The following SOD3 variants were observed in gnomAD, a reference collection of about 807,000 sequenced individuals.
The protein encoded by SOD3 is extracellular superoxide dismutase [Cu-Zn].
In SOD3, 3 loss-of-function variants were observed where a neutral mutation model predicts 2.6. The ratio of observed to expected loss-of-function variants is 1.13; its 90% CI spans 0.52 to 2.93. The LOEUF (loss-of-function observed/expected upper bound fraction) is 2.93. SOD3 is among the 30% of genes most tolerant of loss of function. SOD3 has a pLI of 0.04. For missense variants in SOD3, 379 were observed against 370.4 expected, an observed-to-expected ratio of 1.02 and a Z score of -0.19; for synonymous variants, 188 against 177.5, an observed-to-expected ratio of 1.06 and a Z score of -0.47.
In SOD3 at chr4:24,800,144, G is replaced by A; in HGVS notation, c.623G>A (p.Cys208Tyr). The A allele has an allele frequency of 7.2e-7, 1 of 1,386,304 alleles. No individual in the cohort carries two copies. Among genetic ancestry groups the A allele is most frequent in the East Asian group, 3.1e-5 (1 of 32,558 alleles). 85.9% of individuals were successfully genotyped at this position (1,386,304 alleles called of 1,614,324 possible). Reference protein sequence around the residue: ...NGNAGRRLACCVVGVCGPGLW... With the variant: ...NGNAGRRLACYVVGVCGPGLW... ...AACGCGGGCCGGCGGCTGGCCTGCT[G>A]CGTGGTGGGCGTGTGCGGGCCCGGG... The change falls in exon 2 of 2, where the codon TGC (cysteine) becomes TAC (tyrosine). Residue 208 changes from cysteine (C) to tyrosine (Y), a missense_variant. Cys to Tyr is a radical substitution (Grantham distance 194). Transcript: ENST00000382120.
chr4:24,799,631 A>T lies in SOD3; in HGVS notation c.110A>T (p.Asp37Val). The change falls in exon 2 of 2, where the codon GAC becomes GTC. Residue 37 changes from aspartate to valine, a missense_variant. Transcript: ENST00000382120. ...TCTGACTCGGCGGAGTGGATCCGAGACATGTACGCCAAGGTCACGGAGATC... is the reference window on the plus strand; with the variant it reads ...TCTGACTCGGCGGAGTGGATCCGAGTCATGTACGCCAAGGTCACGGAGATC... ...PNSDSAEWIR[D>V]MYAKVTEIWQ... 1 of 1,605,356 alleles carries T rather than the reference A, an allele frequency of 6.2e-7. No homozygotes were observed. The highest frequency in any genetic ancestry group is 8.5e-7 in the Non-Finnish European group (1 of 1,178,502).
intron 1 of SOD3, among the ~76,000 whole-genome samples, chr4:24,799,084 G>A (rs1713753165): frequency 6.6e-6 from 1 of 152,206 alleles, no homozygotes; most frequent in Admixed American, 6.5e-5. Flanking sequence ...CAAAGCCCCA[G>A]AAGGCAGGGA....
Position 24,800,345 on chromosome 4 carries a change from C to A in SOD3, c.*101C>A. The stretch of plus-strand genomic sequence containing the variant: ...AGACACCCTCCACTCTGAGGTCTCA[C>A]CTTCGCCTTTGCTGAAGTCTCCCCG... On this transcript the variant is annotated 3_prime_UTR_variant, in exon 2 of 2. Transcript: ENST00000382120. 1 of 1,205,198 alleles carries A rather than the reference C, an allele frequency of 8.3e-7. No homozygotes were observed. Among genetic ancestry groups the A allele is most frequent in the Non-Finnish European group, 1.1e-6 (1 of 932,796 alleles). The allele number at this position is 1,205,198 out of a possible 1,614,324, so 74.7% of individuals were successfully genotyped here.
At position 24,800,193 on chromosome 4, in the gene SOD3, G is replaced by A; in HGVS notation, c.672G>A (p.Glu224=). The A allele has an allele frequency of 2.1e-6, 3 of 1,431,636 alleles. No homozygotes were observed. The highest frequency in any genetic ancestry group is 2.7e-6 in the Non-Finnish European group (3 of 1,099,476). 88.7% of individuals were successfully genotyped at this position (1,431,636 alleles called of 1,614,324 possible). Residue 224 remains glutamate, a synonymous_variant, in exon 2 of 2, where the codon GAG becomes GAA. Transcript: ENST00000382120. ...GGCTCTGGGAGCGCCAGGCGCGGGA[G>A]CACTCAGAGCGCAAGAAGCGGCGGC... ...GPGLWERQAR[E]HSERKKRRRE...
Position 24,800,276 on chromosome 4 carries a change from C to A in SOD3, c.*32C>A. ...CCCCCACCCGGCGGCGGCCAGGGACCCCCGAGGCCCCCCTCTGCCTTTGAG... is the reference window on the plus strand; with the variant it reads ...CCCCCACCCGGCGGCGGCCAGGGACACCCGAGGCCCCCCTCTGCCTTTGAG... On this transcript the variant is annotated 3_prime_UTR_variant, in exon 2 of 2. Transcript: ENST00000382120. 7.3e-7 allele frequency: 1 copy of A among 1,374,140 alleles called. No homozygotes were observed. The highest frequency in any genetic ancestry group is 1.8e-5 in the South Asian group (1 of 56,386). The allele number at this position is 1,374,140 out of a possible 1,614,324, so 85.1% of individuals were successfully genotyped here. A position where few individuals can be genotyped will look rare whatever the true frequency, so the allele number is the denominator to read the frequency against.
chr4:24,799,761 C>G lies in SOD3; in HGVS notation c.240C>G (p.Gly80=), dbSNP rs761593971. 1.3e-6 allele frequency: 2 copies of G among 1,566,608 alleles called. No individual in the cohort carries two copies. Among genetic ancestry groups the G allele is most frequent in the East Asian group, 2.3e-5 (1 of 42,606 alleles). The change falls in exon 2 of 2, where the codon GGC becomes GGG. Residue 80 remains glycine, a synonymous_variant. Transcript: ENST00000382120. ...TLDAAQPRVT[G]VVLFRQLAPR... is the part of the protein sequence containing the mutation. ...ACGCCGCGCAGCCCCGGGTGACCGGCGTCGTCCTCTTCCGGCAGCTTGCGC... is the reference window on the plus strand; with the variant it reads ...ACGCCGCGCAGCCCCGGGTGACCGGGGTCGTCCTCTTCCGGCAGCTTGCGC...
chr4:24,796,432 TCTC>T (rs1228754173), intron 1 of SOD3, among the ~76,000 whole-genome samples: 2 of 98,384 alleles, frequency 2.0e-5, no homozygotes, highest in Non-Finnish European at 4.4e-5. Flanking sequence ...TCCTCCTTCT[TCTC>T]TTTTTTTTTT....
intron 1 of SOD3, among the ~76,000 whole-genome samples, chr4:24,797,356 G>A (rs943504204): frequency 6.6e-6 from 1 of 152,210 alleles, no homozygotes; most frequent in Admixed American, 6.5e-5. Flanking sequence ...CGGGACACAC[G>A]CCTCTCTGTG....
At chr4:24,797,191 A>C (rs1245193230) in intron 1 of SOD3, among the ~76,000 whole-genome samples, 1 of 152,236 alleles carries the variant, frequency 6.6e-6, no homozygotes, top group Admixed American at 6.5e-5. Flanking sequence ...CTGATAGCTA[A>C]GAGCTGCCAT....
chr4:24,799,765 G>A lies in SOD3; in HGVS notation c.244G>A (p.Val82Ile). 6.4e-7 allele frequency: 1 copy of A among 1,569,552 alleles called. No individual in the cohort carries two copies. Among genetic ancestry groups the A allele is most frequent in the Non-Finnish European group, 8.6e-7 (1 of 1,164,286 alleles). ...CGCGCAGCCCCGGGTGACCGGCGTC[G>A]TCCTCTTCCGGCAGCTTGCGCCCCG... is the stretch of plus-strand genomic sequence containing the variant. The part of the protein sequence containing the change: ...DAAQPRVTGV[V>I]LFRQLAPRAK... Residue 82 changes from valine to isoleucine, a missense_variant, in exon 2 of 2, where the codon GTC becomes ATC. By Grantham distance (29) the Val-to-Ile change is conservative (BLOSUM62 3). Coordinates refer to ENST00000382120, the MANE Select transcript of SOD3 (RefSeq NM_003102.4).
Position 24,800,299 on chromosome 4 carries a change from G to C in SOD3, c.*55G>C, listed in dbSNP as rs1577363816. 12 of 1,355,016 alleles carry C rather than the reference G, an allele frequency of 8.9e-6. No individual in the cohort carries two copies. The highest frequency in any genetic ancestry group is 1.0e-5 in the Non-Finnish European group (11 of 1,052,732). 83.9% of individuals were successfully genotyped at this position (1,355,016 alleles called of 1,614,324 possible). ...ACCCCCGAGGCCCCCCTCTGCCTTT[G>C]AGCTTCTCCTCTGCTCCAACAGACA... is the stretch of plus-strand genomic sequence containing the variant. On this transcript the variant is annotated 3_prime_UTR_variant, in exon 2 of 2. Coordinates refer to ENST00000382120, the MANE Select transcript of SOD3 (RefSeq NM_003102.4).
intron 1 of SOD3, among the ~76,000 whole-genome samples, chr4:24,798,754 G>C (rs1713744930): frequency 6.6e-6 from 1 of 152,096 alleles, no homozygotes. Flanking sequence ...CCATCTTGTG[G>C]AACCCAGTTC....
rs17879876 is a variant in SOD3 at position 24,799,792 on chromosome 4, G to A, written c.271G>A (p.Ala91Thr). The A allele has an allele frequency of 5.6e-4, 895 of 1,587,406 alleles. 1 individual carries two copies. In the African/African-American group the frequency reaches 7.9e-3, roughly 14 times the overall value. ...CCTCTTCCGGCAGCTTGCGCCCCGC[G>A]CCAAGCTCGACGCCTTCTTCGCCCT... ...VVLFRQLAPR[A>T]KLDAFFALEG... is the part of the protein sequence containing the mutation. The change falls in exon 2 of 2, where the codon GCC (alanine) becomes ACC (threonine). Residue 91 changes from alanine to threonine, a missense_variant. By Grantham distance (58) the Ala-to-Thr change is moderately conservative. Coordinates refer to ENST00000382120, the MANE Select transcript of SOD3 (RefSeq NM_003102.4).
In SOD3 at chr4:24,798,515, C is replaced by T. The variant is rs1051746878; in HGVS notation, c.-16-991C>T. Among the ~76,000 whole-genome samples, 3 of 152,122 alleles carry T rather than the reference C, an allele frequency of 2.0e-5. No homozygotes were observed. The East Asian group carries it at 5.8e-4, about 30-fold the overall frequency. On this transcript the variant is annotated intron_variant, in intron 1 of 1. Coordinates refer to ENST00000382120, the MANE Select transcript of SOD3 (RefSeq NM_003102.4). ...TCATTTCCTGCTTGGGTTACTACAA[C>T]GCCCCCTAACTCATCTCACTGTCTC...
chr4:24,800,571 T>A lies in SOD3; in HGVS notation c.*327T>A. 3 of 219,768 alleles carry A rather than the reference T, an allele frequency of 1.4e-5. No homozygotes were observed. The highest frequency in any genetic ancestry group is 9.7e-6 in the Non-Finnish European group (1 of 102,926). 13.6% of individuals were successfully genotyped at this position (219,768 alleles called of 1,614,324 possible). A position where few individuals can be genotyped will look rare whatever the true frequency, so the allele number is the denominator to read the frequency against. On this transcript the variant is annotated 3_prime_UTR_variant, in exon 2 of 2. Transcript: ENST00000382120. ...CCCTCCTTCCCCACCCCATAAGCCC[T>A]GAGACTCCCGCCTTTGACCTGACGA...
intron 1 of SOD3, among the ~76,000 whole-genome samples, chr4:24,797,845 G>A (rs1713715722): frequency 6.6e-6 from 1 of 152,132 alleles, no homozygotes; most frequent in Non-Finnish European, 1.5e-5. Context: ...CAATTCTTTG[G>A]AGGCAGCATC....
At position 24,797,677 on chromosome 4, in the gene SOD3, T is replaced by G. The variant is rs1236045512; in HGVS notation, c.-16-1829T>G. Among the ~76,000 whole-genome samples, 3 of 152,106 alleles carry G rather than the reference T, an allele frequency of 2.0e-5. No homozygotes were observed. The East Asian group carries it at 5.8e-4, about 29-fold the overall frequency. ...CTAACCCTTAGACTAAGTGGCAGAG[T>G]CAGGCTTTAGATTCATGAGGTGAGT... is the stretch of plus-strand genomic sequence containing the variant. On this transcript the variant is annotated intron_variant, in intron 1 of 1. Transcript: ENST00000382120.
Position 24,799,561 on chromosome 4 carries a change from G to T in SOD3, c.40G>T (p.Gly14Cys), listed in dbSNP as rs1056537271. 2 of 1,601,648 alleles carry T rather than the reference G, an allele frequency of 1.2e-6. No homozygotes were observed. The highest frequency in any genetic ancestry group is 1.7e-5 in the Admixed American group (1 of 59,742). The change falls in exon 2 of 2, where the codon GGT becomes TGT. Residue 14 changes from glycine to cysteine, a missense_variant. Transcript: ENST00000382120. The stretch of plus-strand genomic sequence containing the variant: ...GTGTTCCTGCCTGCTCCTGGCAGCC[G>T]GTGCCTCGGACGCCTGGACGGGCGA... ...LLCSCLLLAA[G>C]ASDAWTGEDS...
chr4:24,800,392 C>T lies in SOD3; in HGVS notation c.*148C>T. 1 of 812,136 alleles carries T rather than the reference C, an allele frequency of 1.2e-6. No individual in the cohort carries two copies. The highest frequency in any genetic ancestry group is 1.7e-6 in the Non-Finnish European group (1 of 582,302). The allele number at this position is 812,136 out of a possible 1,614,324, so 50.3% of individuals were successfully genotyped here. ...CCCGCAGCCCTCTCCACCCAGAGGT[C>T]TCCCTATACCGAGACCCACCATCCT... is the stretch of plus-strand genomic sequence containing the variant. On this transcript the variant is annotated 3_prime_UTR_variant, in exon 2 of 2. Transcript: ENST00000382120.
Sources: gnomAD v4.1 joint callset for allele counts (sites outside exome capture counted in the v4.1 genomes callset) on GRCh38, gnomAD v4.1.1 for gene constraint, MANE v1.5 for transcripts, NCBI Gene and HGNC (gene_info 2026-07-23, HGNC 2026-07-21) for gene names.